Variants in PRKG1 observed in about 807,000 individuals in gnomAD.
PRKG1 encodes cGMP-dependent protein kinase 1.
Under a neutral mutation model 88.1 loss-of-function variants are expected in PRKG1, and 35 were observed. That is an observed-to-expected ratio of 0.40 (90% CI 0.30 to 0.53). The LOEUF (loss-of-function observed/expected upper bound fraction) is 0.53. Among genes scored for constraint, PRKG1 ranks in the 20% least tolerant of loss-of-function variants. PRKG1 has a pLI of 0.59. For missense variants in PRKG1, 540 were observed against 839.8 expected, an observed-to-expected ratio of 0.64 and a Z score of 4.41; for synonymous variants, 303 against 292.5, an observed-to-expected ratio of 1.04 and a Z score of -0.37.
At chr10:51,330,592 T>A (rs1841714578) in intron 2 of PRKG1, among the ~76,000 whole-genome samples, 1 of 152,248 alleles carries the variant, frequency 6.6e-6, no homozygotes, top group South Asian at 2.1e-4. Context: ...ACAGATTGTT[T>A]CTTCTGCATG....
chr10:51,236,330 C>G (rs1050450232), intron 2 of PRKG1, among the ~76,000 whole-genome samples: 1 of 152,080 alleles, frequency 6.6e-6, no homozygotes, highest in Non-Finnish European at 1.5e-5. Context: ...TATTTTTATA[C>G]ACAGTGTAGA....
intron 2 of PRKG1, among the ~76,000 whole-genome samples, chr10:51,433,620 C>G (rs1283666649): frequency 1.4e-5 from 2 of 139,694 alleles, no homozygotes; most frequent in Non-Finnish European, 3.2e-5. Flanking sequence ...TACTAGACAC[C>G]AGCAATAGGG....
intron 2 of PRKG1, among the ~76,000 whole-genome samples, chr10:51,155,953 A>G (rs904093455): frequency 6.6e-6 from 1 of 151,992 alleles, no homozygotes; most frequent in Admixed American, 6.6e-5. Flanking sequence ...ATCCAAGTTG[A>G]CATGTAAAAT....
chr10:51,195,064 T>A (rs1837728268), intron 2 of PRKG1, among the ~76,000 whole-genome samples: 1 of 152,228 alleles, frequency 6.6e-6, no homozygotes, highest in South Asian at 2.1e-4. Context: ...CTAAAACCAA[T>A]GCCATACATG....
chr10:51,836,749 G>A (rs546428561), intron 4 of PRKG1, among the ~76,000 whole-genome samples: 116 of 152,234 alleles, frequency 7.6e-4, no homozygotes, highest in Non-Finnish European at 1.5e-3. Flanking sequence ...AACAGAAGAT[G>A]TGAATAGATA....
At chr10:52,091,728 A>G (rs1293010861) in intron 7 of PRKG1, among the ~76,000 whole-genome samples, 3 of 152,212 alleles carry the variant, frequency 2.0e-5, no homozygotes, top group Non-Finnish European at 4.4e-5. Flanking sequence ...TGAGAAAACT[A>G]TATCAAAGCA....
At chr10:51,763,769 C>G (rs10999335) in intron 3 of PRKG1, among the ~76,000 whole-genome samples, 1 of 151,850 alleles carries the variant, frequency 6.6e-6, no homozygotes, top group Middle Eastern at 3.2e-3. Flanking sequence ...TCTTACAGTT[C>G]TGGAGGTTGA....
chr10:51,213,846 A>G (rs1838300449), intron 2 of PRKG1, among the ~76,000 whole-genome samples: 1 of 152,268 alleles, frequency 6.6e-6, no homozygotes, highest in Admixed American at 6.5e-5. Context: ...AATATGTTAC[A>G]GAATGGGAAG....
At chr10:51,329,834 T>G (rs988062113) in intron 2 of PRKG1, among the ~76,000 whole-genome samples, 2 of 151,952 alleles carry the variant, frequency 1.3e-5, no homozygotes, top group African/African-American at 4.8e-5. Flanking sequence ...GTATTATAAT[T>G]TTTTATAAGT....
chr10:51,455,443 C>A (rs1276831887), intron 2 of PRKG1, among the ~76,000 whole-genome samples: 1 of 152,188 alleles, frequency 6.6e-6, no homozygotes, highest in African/African-American at 2.4e-5. Context: ...ATGGGTTTTT[C>A]TTTCCTATCG....
At chr10:51,743,723 TATAATATAAACTAA>T (rs56270943) in intron 3 of PRKG1, among the ~76,000 whole-genome samples, 7,320 of 59,884 alleles carry the variant, frequency 0.12, 623 homozygotes, top group Non-Finnish European at 0.18. Context: ...TATATATATA[TATAATATAAACTAA>T]ATATATATAT....
At position 51,775,566 on chromosome 10, in the gene PRKG1, A is replaced by AATT. The variant is rs527646906; in HGVS notation, c.593-28997_593-28995dup. Among the ~76,000 whole-genome samples, 1,227 of 150,970 alleles carry AATT rather than the reference A, an allele frequency of 8.1e-3. 7 individuals carry two copies. Among genetic ancestry groups the AATT allele is most frequent in the African/African-American group, 0.018 (732 of 41,188 alleles). On this transcript the variant is annotated intron_variant, in intron 3 of 17. Transcript: ENST00000373980. ...TATTGTTGAGGAAGCCCAGTTCTTTAATTATTATTATTATTATTATTATTT... is the reference window on the plus strand; with the variant it reads ...TATTGTTGAGGAAGCCCAGTTCTTTAATTATTATTATTATTATTATTATTATTT...
At chr10:52,083,210 G>A (rs61849900) in intron 7 of PRKG1, among the ~76,000 whole-genome samples, 27,151 of 151,708 alleles carry the variant, frequency 0.18, 2,568 homozygotes, top group Middle Eastern at 0.24. Context: ...GATGTTTTTC[G>A]TAAATTGAAC....
At chr10:51,980,396 T>A (rs1194713716) in intron 5 of PRKG1, among the ~76,000 whole-genome samples, 1 of 152,098 alleles carries the variant, frequency 6.6e-6, no homozygotes, top group Non-Finnish European at 1.5e-5. Flanking sequence ...GTTTTGTGTC[T>A]GATTATGTGA....
intron 1 of PRKG1, among the ~76,000 whole-genome samples, chr10:51,027,365 C>T (rs1843220928): frequency 6.6e-6 from 1 of 152,160 alleles, no homozygotes; most frequent in South Asian, 2.1e-4. Flanking sequence ...AGATTAGCAT[C>T]CCATAGGTTT....
chr10:52,054,840 A>G (rs1407821876), intron 6 of PRKG1, among the ~76,000 whole-genome samples: 1 of 152,192 alleles, frequency 6.6e-6, no homozygotes, highest in Non-Finnish European at 1.5e-5. Flanking sequence ...AAATAATATA[A>G]TAAAAAAATA....
chr10:51,757,649 T>C (rs1189447938), intron 3 of PRKG1, among the ~76,000 whole-genome samples: 2 of 152,148 alleles, frequency 1.3e-5, no homozygotes, highest in Non-Finnish European at 2.9e-5. Context: ...CTAGTCTGAA[T>C]TGAGATGTGT....
rs1405348882 is a variant in PRKG1, at chr10:52,124,621, G to A, written c.936-9219G>A. Among the ~76,000 whole-genome samples, 4 of 151,844 alleles carry A rather than the reference G, an allele frequency of 2.6e-5. No individual in the cohort carries two copies. In the South Asian group the frequency reaches 8.3e-4, roughly 32 times the overall value. ...CACTTAGTCTACACCAAATTTATAA[G>A]AATAGTTTTCTTTCTTCAATAATAA... On this transcript the variant is annotated intron_variant, in intron 7 of 17. Transcript: ENST00000373980.
intron 7 of PRKG1, among the ~76,000 whole-genome samples, chr10:52,070,823 T>C (rs1442758692): frequency 6.6e-6 from 1 of 152,196 alleles, no homozygotes; most frequent in Admixed American, 6.5e-5. Context: ...ATAAAAGTAA[T>C]TTTAGAAGTT....
Sources: gnomAD v4.1 joint callset for allele counts (sites outside exome capture counted in the v4.1 genomes callset) on GRCh38, gnomAD v4.1.1 for gene constraint, MANE v1.5 for transcripts, NCBI Gene and HGNC (gene_info 2026-07-23, HGNC 2026-07-21) for gene names.